The following BLTP1 variants were observed in gnomAD, a reference collection of about 807,000 sequenced individuals.
BLTP1 encodes the protein bridge-like lipid transfer protein family member 1, also known as fragile site-associated protein.
chr4:122,320,406 C>T, the BLTP1 span, among the ~76,000 whole-genome samples: 1 of 152,186 alleles, frequency 6.6e-6, no homozygotes, highest in Non-Finnish European at 1.5e-5. Flanking sequence ...CTGCTTTCGA[C>T]TCTCAAAGCA....
chr4:122,302,185 A>G, the BLTP1 span: 111 of 658,260 alleles, frequency 1.7e-4, no homozygotes, highest in Admixed American at 2.2e-3. Flanking sequence ...TCCATTGAAT[A>G]CTAAATTTTA....
the BLTP1 span, among the ~76,000 whole-genome samples, chr4:122,241,064 A>G: frequency 6.6e-6 from 1 of 152,194 alleles, no homozygotes; most frequent in Non-Finnish European, 1.5e-5. Flanking sequence ...AAGTGAGAAG[A>G]GTCTATGATG....
the BLTP1 span, chr4:122,203,743 C>G: frequency 3.2e-6 from 1 of 312,922 alleles, no homozygotes; most frequent in Non-Finnish European, 4.6e-6. Context: ...GGTAGGTAAA[C>G]TAATTATAAA....
the BLTP1 span, chr4:122,239,691 G>C: frequency 1.2e-6 from 2 of 1,614,128 alleles, no homozygotes; most frequent in South Asian, 2.2e-5. Flanking sequence ...GCCTGTAACA[G>C]TTGGAGTCCA....
the BLTP1 span, chr4:122,182,943 C>G: frequency 1.0e-5 from 10 of 978,050 alleles, no homozygotes; most frequent in Non-Finnish European, 1.1e-5. Flanking sequence ...ACTTGGGTCA[C>G]TTATTCTTGA....
At chr4:122,343,373 T>G in the BLTP1 span, 551 of 1,605,558 alleles carry the variant, frequency 3.4e-4, no homozygotes, top group Non-Finnish European at 4.3e-4. Flanking sequence ...CTTTTTTTCT[T>G]GTAGCTTATA....
the BLTP1 span, chr4:122,220,947 CA>C: frequency 1.5e-5 from 4 of 258,862 alleles, no homozygotes; most frequent in Non-Finnish European, 1.8e-5. Context: ...AAAAGAGAAC[CA>C]ATGATATTCA....
the BLTP1 span, among the ~76,000 whole-genome samples, chr4:122,259,604 A>G: frequency 4.0e-3 from 609 of 152,232 alleles, 2 homozygotes; most frequent in African/African-American, 0.014. Flanking sequence ...GTTCATGCCT[A>G]TAATTCCAGC....
the BLTP1 span, chr4:122,345,043 T>C: frequency 5.1e-6 from 5 of 983,834 alleles, no homozygotes; most frequent in African/African-American, 7.0e-5. Context: ...TAAATGCAAA[T>C]AGACATTCTG....
At chr4:122,283,054 G>A in the BLTP1 span, among the ~76,000 whole-genome samples, 1 of 151,974 alleles carries the variant, frequency 6.6e-6, no homozygotes, top group Non-Finnish European at 1.5e-5. Context: ...TCATTTTCAT[G>A]TAATTGAATT....
the BLTP1 span, chr4:122,219,067 C>T: frequency 2.5e-6 from 2 of 815,114 alleles, no homozygotes; most frequent in Non-Finnish European, 3.0e-6. Context: ...ACCTAAATTA[C>T]AAGGTTTTGC....
At chr4:122,355,154 G>A in the BLTP1 span, among the ~76,000 whole-genome samples, 1 of 152,160 alleles carries the variant, frequency 6.6e-6, no homozygotes, top group Non-Finnish European at 1.5e-5. Flanking sequence ...GGGGGAAGGG[G>A]GATCTTTATG....
the BLTP1 span, among the ~76,000 whole-genome samples, chr4:122,287,139 A>G: frequency 3.3e-5 from 5 of 152,224 alleles, no homozygotes; most frequent in Non-Finnish European, 7.4e-5. Context: ...AGTAAATCCT[A>G]TGAGGTAGAA....
At chr4:122,316,748 G>A in the BLTP1 span, 61 of 1,610,966 alleles carry the variant, frequency 3.8e-5, no homozygotes, top group Non-Finnish European at 4.8e-5. Context: ...ACAGATTATC[G>A]AAGACAGGCA....
the BLTP1 span, chr4:122,207,617 T>C: frequency 3.7e-6 from 6 of 1,607,348 alleles, no homozygotes; most frequent in Non-Finnish European, 5.1e-6. Flanking sequence ...CAGCTACATG[T>C]AATACCAAGT....
At chr4:122,255,031 G>A in the BLTP1 span, 1 of 1,493,000 alleles carries the variant, frequency 6.7e-7, no homozygotes, top group Non-Finnish European at 9.1e-7. Flanking sequence ...ATCATTATTG[G>A]AAAATATCAG....
At chr4:122,359,077 T>TA in the BLTP1 span, among the ~76,000 whole-genome samples, 4,465 of 140,566 alleles carry the variant, frequency 0.032, 202 homozygotes, top group African/African-American at 0.1. Flanking sequence ...TCAAAGCTGT[T>TA]AAAAAAAAAA....
chr4:122,190,293 G>A, the BLTP1 span: 18 of 548,500 alleles, frequency 3.3e-5, no homozygotes, highest in African/African-American at 3.5e-4. Context: ...ATGGTATTTC[G>A]CTATATTGCC....
the BLTP1 span, among the ~76,000 whole-genome samples, chr4:122,295,808 A>C: frequency 1.3e-5 from 2 of 152,316 alleles, no homozygotes; most frequent in East Asian, 3.9e-4. Context: ...GCAACTCATC[A>C]CAGAAACAGA....
Sources: allele counts gnomAD v4.1 joint callset (sites outside exome capture counted in the v4.1 genomes callset), GRCh38; gene constraint gnomAD v4.1.1; transcripts MANE v1.5; gene names NCBI Gene and HGNC (gene_info 2026-07-23, HGNC 2026-07-21).